MAML3: variants seen among roughly 807,000 people sequenced by gnomAD.
MAML3 encodes the protein mastermind like transcriptional coactivator 3.
Under a neutral mutation model 101.9 loss-of-function variants are expected in MAML3, and 27 were observed. The observed-to-expected ratio is 0.27, with a 90% CI of 0.20 to 0.37. MAML3 has a LOEUF of 0.37. Among genes scored for constraint, MAML3 ranks in the 10% least tolerant of loss-of-function variants. The pLI is 1.00. For missense variants in MAML3, 1,316 were observed against 1,444.9 expected (o/e 0.91, Z 1.45); for synonymous variants, 501 against 555.9 (o/e 0.90, Z 1.39).
intron 2 of MAML3, among the ~76,000 whole-genome samples, chr4:139,752,796 A>G (rs1316044627): frequency 6.6e-6 from 1 of 152,200 alleles, no homozygotes; most frequent in African/African-American, 2.4e-5. Flanking sequence ...AGAGGCAGGC[A>G]ATAATTTTAA....
At chr4:140,008,114 G>A (rs755650310) in intron 1 of MAML3, among the ~76,000 whole-genome samples, 10 of 152,340 alleles carry the variant, frequency 6.6e-5, no homozygotes, top group Non-Finnish European at 1.2e-4. Context: ...GGAGGCCAAG[G>A]TGGGCAGACC....
At chr4:139,847,170 C>T (rs1731465607) in intron 2 of MAML3, among the ~76,000 whole-genome samples, 1 of 152,150 alleles carries the variant, frequency 6.6e-6, no homozygotes, top group African/African-American at 2.4e-5. Context: ...CTCTTTCCTC[C>T]ATTATTCACA....
intron 1 of MAML3, among the ~76,000 whole-genome samples, chr4:140,077,069 T>TAGTAGATA (rs1727780247): frequency 6.6e-6 from 1 of 151,842 alleles, no homozygotes. Context: ...TTTTGTATTT[T>TAGTAGATA]TGGGGTTTCG....
chr4:139,799,021 G>A (rs760890961), intron 2 of MAML3, among the ~76,000 whole-genome samples: 11 of 152,312 alleles, frequency 7.2e-5, no homozygotes, highest in East Asian at 1.9e-4. Context: ...AGCGTAGGCA[G>A]TTAAAAGCAG....
intron 1 of MAML3, among the ~76,000 whole-genome samples, chr4:140,011,614 G>A (rs1222703333): frequency 6.6e-6 from 1 of 151,978 alleles, no homozygotes; most frequent in Non-Finnish European, 1.5e-5. Context: ...AAAGTGCTGG[G>A]ATTACAGGCG....
chr4:140,091,543 C>CAAAAAAAAA (rs1186102121), intron 1 of MAML3, among the ~76,000 whole-genome samples: 1 of 108,262 alleles, frequency 9.2e-6, no homozygotes, highest in African/African-American at 3.5e-5. Context: ...AAAACAAAAA[C>CAAAAAAAAA]AAAACAAAAA....
chr4:139,772,218 T>G (rs1473490236), intron 2 of MAML3, among the ~76,000 whole-genome samples: 4 of 92,618 alleles, frequency 4.3e-5, no homozygotes, highest in African/African-American at 1.7e-4. Flanking sequence ...CCAGCCTGGG[T>G]GACAGAGCGA....
chr4:139,986,708 T>C (rs1014300565), intron 1 of MAML3, among the ~76,000 whole-genome samples: 6 of 152,086 alleles, frequency 3.9e-5, no homozygotes, highest in African/African-American at 1.4e-4. Context: ...GAGAGCAAAC[T>C]TGACATTGGA....
At chr4:140,071,755 T>TAG (rs11268401) in intron 1 of MAML3, among the ~76,000 whole-genome samples, 14,343 of 137,262 alleles carry the variant, frequency 0.1, 849 homozygotes, top group African/African-American at 0.17. Flanking sequence ...GGACCAGGAT[T>TAG]AGAGAGAGAG....
At chr4:139,829,550 A>G (rs115158479) in intron 2 of MAML3, among the ~76,000 whole-genome samples, 64 of 152,278 alleles carry the variant, frequency 4.2e-4, no homozygotes, top group African/African-American at 1.4e-3. Flanking sequence ...GTGATGGGCA[A>G]CTCCACAGTA....
At chr4:139,974,521 G>C (rs879463324) in intron 1 of MAML3, among the ~76,000 whole-genome samples, 1 of 152,056 alleles carries the variant, frequency 6.6e-6, no homozygotes, top group Non-Finnish European at 1.5e-5. Context: ...TAATTTCATT[G>C]AGAAAGGCAG....
intron 1 of MAML3, among the ~76,000 whole-genome samples, chr4:139,913,321 AT>A (rs897469615): frequency 7.9e-5 from 12 of 151,628 alleles, no homozygotes; most frequent in East Asian, 7.7e-4. Context: ...TTGTCCCCTA[AT>A]TTTTTTTTAT....
chr4:140,070,115 C>CAAATAAATAAAT (rs60471093), intron 1 of MAML3, among the ~76,000 whole-genome samples: 1,520 of 149,862 alleles, frequency 0.01, 24 homozygotes, highest in African/African-American at 0.034. Flanking sequence ...GACTCCATCT[C>CAAATAAATAAAT]AAATAAATAA....
chr4:140,043,260 T>C (rs189958743), intron 1 of MAML3, among the ~76,000 whole-genome samples: 179 of 152,302 alleles, frequency 1.2e-3, no homozygotes, highest in African/African-American at 4.2e-3. Flanking sequence ...GTCTGCTAAA[T>C]CTATCTAGAC....
intron 1 of MAML3, among the ~76,000 whole-genome samples, chr4:139,914,649 C>G (rs1272898979): frequency 6.6e-6 from 1 of 152,132 alleles, no homozygotes. Context: ...CCAAACCCGA[C>G]CACAACAAAC....
At position 139,956,255 on chromosome 4, in the gene MAML3, G is replaced by A. The variant is rs115254418; in HGVS notation, c.469-65288C>T. Reference sequence around the variant, plus strand: ...TCTGGAAGTGTTTTGAAATCTGTAAGTCAACTCTAGATGTAAAATACTAGC... The same window carrying A: ...TCTGGAAGTGTTTTGAAATCTGTAAATCAACTCTAGATGTAAAATACTAGC... On this transcript the variant is annotated intron_variant, in intron 1 of 4. Coordinates refer to ENST00000509479, the MANE Select transcript of MAML3 (RefSeq NM_018717.5). 8.8e-3 allele frequency among the ~76,000 whole-genome samples: 1,340 copies of A among 152,294 alleles called. 18 individuals carry two copies. The highest frequency in any genetic ancestry group is 0.03 in the African/African-American group (1,243 of 41,568).
At chr4:139,866,429 C>G (rs1299338770) in intron 2 of MAML3, among the ~76,000 whole-genome samples, 1 of 152,120 alleles carries the variant, frequency 6.6e-6, no homozygotes, top group Non-Finnish European at 1.5e-5. Context: ...TCCTGGTAGC[C>G]AGGCCTTCTT....
chr4:140,071,134 G>C (rs1206085733), intron 1 of MAML3, among the ~76,000 whole-genome samples: 1 of 152,208 alleles, frequency 6.6e-6, no homozygotes, highest in African/African-American at 2.4e-5. Flanking sequence ...CCTTGTCATT[G>C]TTGGGAGGAC....
chr4:140,135,629 A>G (rs1728870092), intron 1 of MAML3, among the ~76,000 whole-genome samples: 1 of 152,246 alleles, frequency 6.6e-6, no homozygotes, highest in South Asian at 2.1e-4. Flanking sequence ...CCTCTTGCCA[A>G]TGAGACTAGA....
Sources: gnomAD v4.1 joint callset for allele counts (sites outside exome capture counted in the v4.1 genomes callset) on GRCh38, gnomAD v4.1.1 for gene constraint, MANE v1.5 for transcripts, NCBI Gene and HGNC (gene_info 2026-07-23, HGNC 2026-07-21) for gene names.